SEMA3A: variants seen among roughly 807,000 people sequenced by gnomAD.
SEMA3A encodes semaphorin-3A.
In SEMA3A, 29 loss-of-function variants were observed where a neutral mutation model predicts 97.9. The ratio of observed to expected loss-of-function variants is 0.30; its 90% CI spans 0.22 to 0.40. The LOEUF (loss-of-function observed/expected upper bound fraction) is 0.40, where lower values mean the gene tolerates loss of function less well. SEMA3A is among the 10% of genes least tolerant of loss of function. SEMA3A has a pLI of 1.00. For synonymous variants in SEMA3A, 321 were observed against 323.7 expected, an observed-to-expected ratio of 0.99 and a Z score of 0.09; for missense variants, 763 against 951.3, an observed-to-expected ratio of 0.80 and a Z score of 2.60.
chr7:84,020,428 AT>A (rs199659977), intron 6 of SEMA3A, among the ~76,000 whole-genome samples: 8,814 of 141,994 alleles, frequency 0.062, 347 homozygotes, highest in East Asian at 0.21. Flanking sequence ...CAACTTTCCT[AT>A]TTTTTTTTTT....
At chr7:84,123,814 G>GAT (rs1428058003) in intron 3 of SEMA3A, among the ~76,000 whole-genome samples, 5 of 149,066 alleles carry the variant, frequency 3.4e-5, no homozygotes, top group African/African-American at 4.9e-5. Flanking sequence ...CTGATAACCT[G>GAT]ATATATATAT....
intron 2 of SEMA3A, among the ~76,000 whole-genome samples, chr7:84,317,871 A>C (rs1252435297): frequency 6.6e-6 from 1 of 152,190 alleles, no homozygotes; most frequent in Admixed American, 6.5e-5. Flanking sequence ...GCTTTGAAAA[A>C]AATATGATTT....
At chr7:84,132,436 T>C (rs1474296127) in intron 2 of SEMA3A, among the ~76,000 whole-genome samples, 2 of 151,994 alleles carry the variant, frequency 1.3e-5, no homozygotes, top group Non-Finnish European at 2.9e-5. Flanking sequence ...ATTTTCAGTT[T>C]TAGAAATAAT....
intron 2 of SEMA3A, among the ~76,000 whole-genome samples, chr7:84,365,870 T>A (rs893055150): frequency 1.5e-4 from 23 of 151,364 alleles, no homozygotes; most frequent in African/African-American, 7.3e-5. Context: ...ATAAATAACA[T>A]GAGTTTAACT....
At chr7:84,374,059 A>C (rs1803041099) in intron 1 of SEMA3A, among the ~76,000 whole-genome samples, 1 of 152,170 alleles carries the variant, frequency 6.6e-6, no homozygotes, top group African/African-American at 2.4e-5. Context: ...AGATCACGGG[A>C]GAGGAATGGA....
intron 1 of SEMA3A, among the ~76,000 whole-genome samples, chr7:84,150,962 A>AC (rs901874167): frequency 4.0e-5 from 6 of 149,470 alleles, no homozygotes; most frequent in Admixed American, 4.0e-4. Flanking sequence ...ACTGGGAGGC[A>AC]CCCCCCAGCA....
At chr7:84,463,971 A>C (rs1263151543) in intron 1 of SEMA3A, among the ~76,000 whole-genome samples, 1 of 152,194 alleles carries the variant, frequency 6.6e-6, no homozygotes. Flanking sequence ...TAAAGAATGA[A>C]TGGATTAATT....
At chr7:83,993,110 G>C (rs571249997) in intron 12 of SEMA3A, among the ~76,000 whole-genome samples, 1 of 143,506 alleles carries the variant, frequency 7.0e-6, no homozygotes, top group Non-Finnish European at 1.5e-5. Context: ...TTGGTTTCAA[G>C]TCTGTTTTAT....
At chr7:84,435,140 A>G (rs1805091862) in intron 1 of SEMA3A, among the ~76,000 whole-genome samples, 1 of 152,180 alleles carries the variant, frequency 6.6e-6, no homozygotes. Flanking sequence ...TGACTAATAA[A>G]CAACTTCAGT....
chr7:84,123,502 T>G (rs909423135), intron 3 of SEMA3A, among the ~76,000 whole-genome samples: 13 of 151,928 alleles, frequency 8.6e-5, no homozygotes, highest in African/African-American at 3.1e-4. Flanking sequence ...AAAAGACATA[T>G]TAATATGATG....
chr7:84,337,824 C>G (rs1290492232), intron 2 of SEMA3A, among the ~76,000 whole-genome samples: 3 of 152,058 alleles, frequency 2.0e-5, no homozygotes, highest in Non-Finnish European at 2.9e-5. Context: ...AGCCCCAAAG[C>G]ATTCTCAAAG....
At chr7:84,231,314 C>T (rs770492209) in intron 3 of SEMA3A, among the ~76,000 whole-genome samples, 1 of 151,818 alleles carries the variant, frequency 6.6e-6, no homozygotes, top group Non-Finnish European at 1.5e-5. Context: ...ATGTGTCTGC[C>T]CACAGGGAAT....
At chr7:84,167,066 T>TTATGTAATAATA (rs1300432127) in intron 1 of SEMA3A, among the ~76,000 whole-genome samples, 9 of 46,480 alleles carry the variant, frequency 1.9e-4, no homozygotes, top group East Asian at 1.7e-3. Flanking sequence ...TTTGCAGTCC[T>TTATGTAATAATA]ACAAGATGTA....
intron 12 of SEMA3A, among the ~76,000 whole-genome samples, chr7:83,989,849 G>C (rs1230526163): frequency 6.7e-6 from 1 of 149,924 alleles, no homozygotes; most frequent in Admixed American, 6.7e-5. Flanking sequence ...GGGATGGCTG[G>C]GTCAAATGGT....
chr7:84,066,777 C>G (rs1793519958), intron 4 of SEMA3A, among the ~76,000 whole-genome samples: 1 of 151,974 alleles, frequency 6.6e-6, no homozygotes, highest in Admixed American at 6.6e-5. Context: ...AAAGAGGATA[C>G]AAACAAATCG....
In SEMA3A at chr7:84,097,449, C is replaced by G. The variant is rs367788122; in HGVS notation, c.453+13021G>C. On this transcript the variant is annotated intron_variant, in intron 4 of 16. Transcript: ENST00000265362. The stretch of plus-strand genomic sequence containing the variant: ...GGTATAAAAATGCTGGTTTAAGAGA[C>G]TGGTTTAATGTCATTTCAGTGGCAG... 3.9e-5 allele frequency among the ~76,000 whole-genome samples: 6 copies of G among 151,960 alleles called. No homozygotes were observed. In the East Asian group the frequency reaches 9.7e-4, roughly 24 times the overall value.
At chr7:84,038,650 G>A (rs1792028130) in intron 6 of SEMA3A, among the ~76,000 whole-genome samples, 1 of 151,974 alleles carries the variant, frequency 6.6e-6, no homozygotes, top group South Asian at 2.1e-4. Flanking sequence ...GACCCCTCAT[G>A]AAAAATTTAA....
intron 3 of SEMA3A, among the ~76,000 whole-genome samples, chr7:84,274,798 A>G (rs1800252376): frequency 6.6e-6 from 1 of 152,064 alleles, no homozygotes; most frequent in South Asian, 2.1e-4. Context: ...ACTTATATTG[A>G]GACAACTGAA....
intron 1 of SEMA3A, among the ~76,000 whole-genome samples, chr7:84,423,652 G>C (rs1392408550): frequency 6.6e-6 from 1 of 151,052 alleles, no homozygotes; most frequent in Non-Finnish European, 1.5e-5. Context: ...CATTTTCTTT[G>C]TTTCCCCAAA....
Sources: gnomAD v4.1 joint callset for allele counts (sites outside exome capture counted in the v4.1 genomes callset) on GRCh38, gnomAD v4.1.1 for gene constraint, MANE v1.5 for transcripts, NCBI Gene and HGNC (gene_info 2026-07-23, HGNC 2026-07-21) for gene names.